ATF4: variants seen among roughly 807,000 people sequenced by gnomAD.
ATF4 encodes the protein cyclic AMP-dependent transcription factor ATF-4.
ATF4 carries 8 observed loss-of-function variants against 21.0 expected under a neutral mutation model. The observed-to-expected ratio is 0.38, with a 90% CI of 0.22 to 0.69. The LOEUF (loss-of-function observed/expected upper bound fraction) is 0.69, where lower values mean the gene tolerates loss of function less well. Ranked by LOEUF, ATF4 falls within the 30% of genes least tolerant of loss-of-function variation. The pLI is 0.49. For missense variants in ATF4, 549 were observed against 425.9 expected (o/e 1.29, Z -2.54); for synonymous variants, 241 against 166.4 (o/e 1.45, Z -3.45).
rs752301523 is a variant in ATF4 at position 39,522,508 on chromosome 22, AAG to A, written c.967_968del (p.Arg323GlyfsTer42). On this transcript the variant is annotated frameshift_variant, in exon 3 of 3. Transcript: ENST00000674920. LOFTEE classifies it high-confidence loss of function. ...CTGGAAAAGAAGAACGAGGCTCTAA[AAG>A]AGAGGGCGGATTCCCTGGCCAAGGA... is the stretch of plus-strand genomic sequence containing the variant. The A allele has an allele frequency of 1.1e-5, 18 of 1,611,700 alleles. No individual in the cohort carries two copies. Among genetic ancestry groups the A allele is most frequent in the African/African-American group, 8.0e-5 (6 of 74,642 alleles).
chr22:39,520,780 T>G (rs1266156359), intron 1 of ATF4, 29 bp downstream of exon 1: 1 of 153,612 alleles, frequency 6.5e-6, no homozygotes, highest in East Asian at 1.9e-4. Flanking sequence ...CGTCCAGCTG[T>G]GCTCCTGGGG....
chr22:39,522,443 G>A lies in ATF4; in HGVS notation c.897G>A (p.Lys299=), dbSNP rs1420908714. The A allele has an allele frequency of 1.2e-6, 2 of 1,613,724 alleles. No individual in the cohort carries two copies. The highest frequency in any genetic ancestry group is 1.3e-5 in the African/African-American group (1 of 74,928). Residue 299 remains lysine (K), a synonymous_variant, in exon 3 of 3, where the codon AAG becomes AAA. Transcript: ENST00000674920. ...CAGCCACTAGGTACCGCCAGAAGAA[G>A]AGGGCGGAGCAGGAGGCTCTTACTG... ...KTAATRYRQK[K]RAEQEALTGE... is the part of the protein sequence containing the mutation.
Position 39,522,316 on chromosome 22 carries a change from G to C in ATF4, c.770G>C (p.Arg257Pro). 4 of 1,612,564 alleles carry C rather than the reference G, an allele frequency of 2.5e-6. No homozygotes were observed. The highest frequency in any genetic ancestry group is 3.4e-6 in the Non-Finnish European group (4 of 1,179,354). ...CCAGGTGTTCTCTGTGGGTCTGCCCGTCCCAAACCTTACGATCCTCCTGGA... is the reference window on the plus strand; with the variant it reads ...CCAGGTGTTCTCTGTGGGTCTGCCCCTCCCAAACCTTACGATCCTCCTGGA... ...PSPGVLCGSA[R>P]PKPYDPPGEK... Residue 257 changes from arginine (R) to proline (P), a missense_variant, in exon 3 of 3, where the codon CGT becomes CCT. Coordinates refer to ENST00000674920, the MANE Select transcript of ATF4 (RefSeq NM_182810.3).
Position 39,521,873 on chromosome 22 carries a change from AGAT to A in ATF4, c.330_332del (p.Asp111del). The A allele has an allele frequency of 6.2e-7, 1 of 1,614,208 alleles. No individual in the cohort carries two copies. The highest frequency in any genetic ancestry group is 8.5e-7 in the Non-Finnish European group (1 of 1,180,010). On this transcript the variant is annotated inframe_deletion, in exon 3 of 3. Transcript: ENST00000674920. ...GTATAGATGACCTGGAAACCATGCC[AGAT>A]GACCTTCTGACCACGTTGGATGACA...
Position 39,522,286 on chromosome 22 carries a change from C to T in ATF4, c.740C>T (p.Pro247Leu). The T allele has an allele frequency of 1.2e-6, 2 of 1,608,134 alleles. No homozygotes were observed. The highest frequency in any genetic ancestry group is 1.7e-4 in the Middle Eastern group (1 of 6,016). Reference sequence around the variant, plus strand: ...AGGGGCTCTCCAAATAGGAGCCTCCCATCTCCAGGTGTTCTCTGTGGGTCT... The same window carrying T: ...AGGGGCTCTCCAAATAGGAGCCTCCTATCTCCAGGTGTTCTCTGTGGGTCT... The part of the protein sequence containing the change: ...STRGSPNRSL[P>L]SPGVLCGSAR... The change falls in exon 3 of 3, where the codon CCA becomes CTA. Residue 247 changes from proline (P) to leucine (L), a missense_variant. Transcript: ENST00000674920.
In ATF4 at chr22:39,521,893, T is replaced by G. The variant is rs1411804911; in HGVS notation, c.347T>G (p.Leu116Trp). ...ETMPDDLLTT[L>W]DDTCDLFAPL... ...ATGCCAGATGACCTTCTGACCACGT[T>G]GGATGACACTTGTGATCTCTTTGCC... Residue 116 changes from leucine (L) to tryptophan (W), a missense_variant, in exon 3 of 3, where the codon TTG (leucine) becomes TGG (tryptophan). Coordinates refer to ENST00000674920, the MANE Select transcript of ATF4 (RefSeq NM_182810.3). 4 of 1,614,050 alleles carry G rather than the reference T, an allele frequency of 2.5e-6. No individual in the cohort carries two copies. Among genetic ancestry groups the G allele is most frequent in the Non-Finnish European group, 3.4e-6 (4 of 1,180,012 alleles).
rs1399400308 is a variant in ATF4 at position 39,522,483 on chromosome 22, C to G, written c.937C>G (p.Leu313Val). 9 of 1,613,140 alleles carry G rather than the reference C, an allele frequency of 5.6e-6. No individual in the cohort carries two copies. Among genetic ancestry groups the G allele is most frequent in the Non-Finnish European group, 7.6e-6 (9 of 1,179,666 alleles). ...GGCTCTTACTGGTGAGTGCAAAGAGCTGGAAAAGAAGAACGAGGCTCTAAA... is the reference window on the plus strand; with the variant it reads ...GGCTCTTACTGGTGAGTGCAAAGAGGTGGAAAAGAAGAACGAGGCTCTAAA... ...QEALTGECKE[L>V]EKKNEALKER... Residue 313 changes from leucine (L) to valine (V), a missense_variant, in exon 3 of 3, where the codon CTG (leucine) becomes GTG (valine). Transcript: ENST00000674920.
Position 39,522,069 on chromosome 22 carries a change from G to T in ATF4, c.523G>T (p.Asp175Tyr), listed in dbSNP as rs1012671336. 6.2e-6 allele frequency: 10 copies of T among 1,613,848 alleles called. No homozygotes were observed. Among genetic ancestry groups the T allele is most frequent in the Non-Finnish European group, 8.5e-6 (10 of 1,179,874 alleles). The change falls in exon 3 of 3, where the codon GAT (aspartate) becomes TAT (tyrosine). Residue 175 changes from aspartate (D) to tyrosine (Y), a missense_variant. Transcript: ENST00000674920. Reference protein sequence around the residue: ...LSPGVLSSTPDHSFSLELGSE... With the variant: ...LSPGVLSSTPYHSFSLELGSE... Reference sequence around the variant, plus strand: ...CCCAGGGGTCCTGTCCTCCACTCCAGATCATTCCTTTAGTTTAGAGCTGGG... The same window carrying T: ...CCCAGGGGTCCTGTCCTCCACTCCATATCATTCCTTTAGTTTAGAGCTGGG...
chr22:39,522,055 T>C lies in ATF4; in HGVS notation c.509T>C (p.Leu170Pro). The change falls in exon 3 of 3, where the codon CTG (leucine) becomes CCG (proline). Residue 170 changes from leucine to proline, a missense_variant. Coordinates refer to ENST00000674920, the MANE Select transcript of ATF4 (RefSeq NM_182810.3). ...CCTCTTCCCCTTTCCCCAGGGGTCC[T>C]GTCCTCCACTCCAGATCATTCCTTT... ...LQPLPLSPGV[L>P]SSTPDHSFSL... 1 of 1,613,944 alleles carries C rather than the reference T, an allele frequency of 6.2e-7. No individual in the cohort carries two copies. The highest frequency in any genetic ancestry group is 8.5e-7 in the Non-Finnish European group (1 of 1,179,846).
In ATF4 at chr22:39,522,313, C is replaced by T; in HGVS notation, c.767C>T (p.Ala256Val). 1 of 1,612,266 alleles carries T rather than the reference C, an allele frequency of 6.2e-7. No individual in the cohort carries two copies. The highest frequency in any genetic ancestry group is 1.1e-5 in the South Asian group (1 of 90,682). Residue 256 changes from alanine to valine, a missense_variant, in exon 3 of 3, where the codon GCC (alanine) becomes GTC (valine). Transcript: ENST00000674920. ...TCTCCAGGTGTTCTCTGTGGGTCTG[C>T]CCGTCCCAAACCTTACGATCCTCCT... ...LPSPGVLCGS[A>V]RPKPYDPPGE...
Position 39,521,836 on chromosome 22 carries a change from A to T in ATF4, c.290A>T (p.Asp97Val). 1 of 1,614,184 alleles carries T rather than the reference A, an allele frequency of 6.2e-7. No homozygotes were observed. The highest frequency in any genetic ancestry group is 8.5e-7 in the Non-Finnish European group (1 of 1,180,014). ...EKMDLKEFDL[D>V]ALLGIDDLET... ...ATGGATTTGAAGGAGTTCGACTTGG[A>T]TGCCCTGTTGGGTATAGATGACCTG... Residue 97 changes from aspartate to valine, a missense_variant, in exon 3 of 3, where the codon GAT (aspartate) becomes GTT (valine). By Grantham distance (152) the Asp-to-Val change is radical. Coordinates refer to ENST00000674920, the MANE Select transcript of ATF4 (RefSeq NM_182810.3).
chr22:39,522,421 C>G lies in ATF4; in HGVS notation c.875C>G (p.Ala292Gly), dbSNP rs1487868748. The G allele has an allele frequency of 1.2e-6, 2 of 1,613,426 alleles. No homozygotes were observed. Among genetic ancestry groups the G allele is most frequent in the Non-Finnish European group, 1.7e-6 (2 of 1,179,708 alleles). The change falls in exon 3 of 3, where the codon GCC (alanine) becomes GGC (glycine). Residue 292 changes from alanine to glycine, a missense_variant. Transcript: ENST00000674920. ...AAAATGGAGCAAAACAAGACAGCAG[C>G]CACTAGGTACCGCCAGAAGAAGAGG... ...LKKMEQNKTAATRYRQKKRAE... is the reference protein window; with the variant it reads ...LKKMEQNKTAGTRYRQKKRAE...
rs1417185540 is a variant in ATF4, at chr22:39,521,355, C to T, written c.-91C>T. 2.9e-5 allele frequency: 33 copies of T among 1,125,430 alleles called. No individual in the cohort carries two copies. The highest frequency in any genetic ancestry group is 4.2e-5 in the Non-Finnish European group (33 of 783,486). 69.7% of individuals were successfully genotyped at this position (1,125,430 alleles called of 1,614,324 possible). On this transcript the variant is annotated splice_region_variant and 5_prime_UTR_variant, in exon 2 of 3. Coordinates refer to ENST00000674920, the MANE Select transcript of ATF4 (RefSeq NM_182810.3). ...AGTTGGCTTCTGATTCTCATTCAGGCTTCTCACGGCATTCAGCAGCAGCGT... is the reference window on the plus strand; with the variant it reads ...AGTTGGCTTCTGATTCTCATTCAGGTTTCTCACGGCATTCAGCAGCAGCGT...
Position 39,521,440 on chromosome 22 carries a change from C to T in ATF4, c.-6C>T, listed in dbSNP as rs762759423. 2.1e-5 allele frequency: 32 copies of T among 1,529,872 alleles called. No homozygotes were observed. Among genetic ancestry groups the T allele is most frequent in the Non-Finnish European group, 2.8e-5 (32 of 1,137,998 alleles). The allele number at this position is 1,529,872 out of a possible 1,614,324, so 94.8% of individuals were successfully genotyped here. A position where few individuals can be genotyped will look rare whatever the true frequency, so the allele number is the denominator to read the frequency against. ...ACATTCCTCGATTCCAGCAAAGCAC[C>T]GCAACATGACCGAAATGAGCTTCCT... On this transcript the variant is annotated 5_prime_UTR_variant, in exon 2 of 3. Coordinates refer to ENST00000674920, the MANE Select transcript of ATF4 (RefSeq NM_182810.3).
rs1930934720 is a variant in ATF4, at chr22:39,521,404, T to C, written c.-42T>C. 4.7e-6 allele frequency: 7 copies of C among 1,496,684 alleles called. No homozygotes were observed. Among genetic ancestry groups the C allele is most frequent in the Non-Finnish European group, 6.3e-6 (7 of 1,116,474 alleles). 92.7% of individuals were successfully genotyped at this position (1,496,684 alleles called of 1,614,324 possible). On this transcript the variant is annotated 5_prime_UTR_variant, in exon 2 of 3. Transcript: ENST00000674920. ...GTTGCTGTAACCGACAAAGACACCT[T>C]CGAATTAAGCACATTCCTCGATTCC...
In ATF4 at chr22:39,521,960, G is replaced by A. The variant is rs529870594; in HGVS notation, c.414G>A (p.Val138=). ...CTAATAAGCAGCCCCCCCAGACGGT[G>A]AACCCAATTGGCCATCTCCCAGAAA... ...QETNKQPPQT[V]NPIGHLPESL... is the part of the protein sequence containing the mutation. The change falls in exon 3 of 3, where the codon GTG becomes GTA. Residue 138 remains valine (V), a synonymous_variant. Transcript: ENST00000674920. 7 of 1,613,132 alleles carry A rather than the reference G, an allele frequency of 4.3e-6. No homozygotes were observed. The Admixed American group carries it at 5.0e-5, about 12-fold the overall frequency.
chr22:39,521,751 C>T (rs1203682193), intron 2 of ATF4, 22 bp from the exon 3 acceptor site: 14 of 1,612,424 alleles, frequency 8.7e-6, no homozygotes, highest in Non-Finnish European at 1.0e-5. Context: ...TCACTTGGCC[C>T]CATCACTCAA....
chr22:39,521,341 G>C lies in ATF4; in HGVS notation c.-92-13G>C. On this transcript the variant is annotated splice_polypyrimidine_tract_variant and intron_variant, in intron 1 of 2. Transcript: ENST00000674920. The stretch of plus-strand genomic sequence containing the variant: ...TAACCTCTAATGGGAGTTGGCTTCT[G>C]ATTCTCATTCAGGCTTCTCACGGCA... 1 of 1,006,754 alleles carries C rather than the reference G, an allele frequency of 9.9e-7. No individual in the cohort carries two copies. The highest frequency in any genetic ancestry group is 1.5e-6 in the Non-Finnish European group (1 of 679,174). The allele number at this position is 1,006,754 out of a possible 1,614,324, so 62.4% of individuals were successfully genotyped here.
At position 39,521,690 on chromosome 22, in the gene ATF4, C is replaced by T; in HGVS notation, c.226+19C>T. The T allele has an allele frequency of 6.2e-7, 1 of 1,611,272 alleles. No individual in the cohort carries two copies. Among genetic ancestry groups the T allele is most frequent in the Non-Finnish European group, 8.5e-7 (1 of 1,177,950 alleles). On this transcript the variant is annotated intron_variant, in intron 2 of 2. Coordinates refer to ENST00000674920, the MANE Select transcript of ATF4 (RefSeq NM_182810.3). ...AGCAAGGGTGAGTGGGCCACCACCA[C>T]ATCGTCCTGGTGGGATCTAGGGTTA...
Sources: gnomAD v4.1 joint callset for allele counts on GRCh38, gnomAD v4.1.1 for gene constraint, MANE v1.5 for transcripts, NCBI Gene and HGNC (gene_info 2026-07-23, HGNC 2026-07-21) for gene names.